UQCC1: variants seen among roughly 807,000 people sequenced by gnomAD.
UQCC1 encodes bFGF-repressed Zic-binding protein.
In UQCC1, 38 loss-of-function variants were observed where a neutral mutation model predicts 48.0. The observed-to-expected ratio is 0.79, with a 90% CI of 0.61 to 1.04. The LOEUF (loss-of-function observed/expected upper bound fraction) is 1.04, where lower values mean the gene tolerates loss of function less well. UQCC1 is among the 50% of genes least tolerant of loss of function. The pLI, the probability that UQCC1 is intolerant of heterozygous loss-of-function variation, is 0.00. For missense variants in UQCC1, 368 were observed against 381.8 expected (o/e 0.96, Z 0.30); for synonymous variants, 111 against 129.2 (o/e 0.86, Z 0.95).
intron 7 of UQCC1, chr20:35,346,648 TTCTC>T (rs2061434998): frequency 5.4e-6 from 1 of 184,104 alleles, no homozygotes; most frequent in Non-Finnish European, 1.2e-5. Context: ...ATATTCCCCT[TTCTC>T]AGGTTAATTA....
chr20:35,376,968 C>CA (rs11330133), intron 4 of UQCC1, among the ~76,000 whole-genome samples: 102 of 142,656 alleles, frequency 7.2e-4, no homozygotes, highest in Non-Finnish European at 8.4e-4. Flanking sequence ...CAAAACAAAA[C>CA]AAAAAAAAAA....
chr20:35,389,807 T>A (rs1464133298), intron 2 of UQCC1, among the ~76,000 whole-genome samples: 1 of 152,154 alleles, frequency 6.6e-6, no homozygotes, highest in Non-Finnish European at 1.5e-5. Context: ...TATCATATAA[T>A]CCATCAATCC....
intron 7 of UQCC1, among the ~76,000 whole-genome samples, chr20:35,329,987 G>A (rs1043247931): frequency 6.6e-6 from 1 of 152,226 alleles, no homozygotes; most frequent in Admixed American, 6.5e-5. Context: ...AAACTGCAGT[G>A]TAAGTATAGA....
rs780877093 is a variant in UQCC1 at position 35,411,925 on chromosome 20, T to C, written c.24+15A>G. 10 of 1,614,166 alleles carry C rather than the reference T, an allele frequency of 6.2e-6. No homozygotes were observed. The South Asian group carries it at 7.7e-5, about 12-fold the overall frequency. On this transcript the variant is annotated intron_variant, in intron 1 of 9. Coordinates refer to ENST00000374385, the MANE Select transcript of UQCC1 (RefSeq NM_018244.5). ...GACCCAGAGAGCTACCGTAGAAAAT[T>C]ACTCCTTCACTCACAAGGACTCGCA...
At position 35,314,740 on chromosome 20, in the gene UQCC1, T is replaced by C; in HGVS notation, c.599A>G (p.Asn200Ser). The change falls in exon 8 of 10, where the codon AAC becomes AGC. Residue 200 changes from asparagine (N) to serine (S), a missense_variant. Transcript: ENST00000374385. ...MGVNPYILKK[N>S]MILMTNHFYA... ...GAAATGATTTGTCATGAGGATCATG[T>C]TCTTCTTCAGGATATAGGGATTAAC... 1 of 1,608,514 alleles carries C rather than the reference T, an allele frequency of 6.2e-7. No individual in the cohort carries two copies. The highest frequency in any genetic ancestry group is 8.5e-7 in the Non-Finnish European group (1 of 1,175,682).
chr20:35,406,221 A>G (rs2062248216), intron 1 of UQCC1, among the ~76,000 whole-genome samples: 1 of 152,236 alleles, frequency 6.6e-6, no homozygotes, highest in South Asian at 2.1e-4. Context: ...GGCAGAAAAC[A>G]TCCCAAACAT....
At chr20:35,338,222 G>A (rs575277985) in intron 7 of UQCC1, among the ~76,000 whole-genome samples, 110 of 152,168 alleles carry the variant, frequency 7.2e-4, no homozygotes, top group African/African-American at 2.5e-3. Context: ...AGTCTCTGCC[G>A]TATTGGATTA....
intron 2 of UQCC1, among the ~76,000 whole-genome samples, chr20:35,387,140 G>A (rs567575011): frequency 8.1e-4 from 123 of 151,862 alleles, no homozygotes; most frequent in Non-Finnish European, 1.5e-3. Context: ...ACAAAAATTA[G>A]CCAGGCATGG....
At chr20:35,305,335 G>A (rs576140172) in intron 9 of UQCC1, among the ~76,000 whole-genome samples, 18 of 152,256 alleles carry the variant, frequency 1.2e-4, no homozygotes, top group Middle Eastern at 3.4e-3. Context: ...CTCTCACTGG[G>A]GCCACATGGG....
intron 9 of UQCC1, 59 bp downstream of exon 9, chr20:35,306,607 G>T: frequency 7.6e-7 from 1 of 1,324,482 alleles, no homozygotes; most frequent in Non-Finnish European, 1.1e-6. Flanking sequence ...TCCCCTGAAA[G>T]CCCAAGAGGA....
intron 1 of UQCC1, among the ~76,000 whole-genome samples, chr20:35,407,251 A>G (rs1422389551): frequency 6.6e-6 from 1 of 152,026 alleles, no homozygotes; most frequent in Non-Finnish European, 1.5e-5. Context: ...AACATGGGAA[A>G]ACCCCCTCTC....
chr20:35,366,718 T>C (rs1427784972), intron 5 of UQCC1, 104 bp from the exon 6 acceptor site: 4 of 980,188 alleles, frequency 4.1e-6, no homozygotes, highest in South Asian at 1.5e-5. Context: ...TCTCTGATTA[T>C]GCTATTGCAG....
At chr20:35,382,638 G>A (rs564414053) in intron 3 of UQCC1, among the ~76,000 whole-genome samples, 14 of 148,178 alleles carry the variant, frequency 9.4e-5, no homozygotes, top group African/African-American at 2.7e-4. Context: ...TCAGCCTCCC[G>A]AGTAGCTGGG....
At chr20:35,398,565 A>G (rs1241468012) in intron 1 of UQCC1, among the ~76,000 whole-genome samples, 2 of 152,162 alleles carry the variant, frequency 1.3e-5, no homozygotes, top group Admixed American at 6.5e-5. Context: ...TGAAAAGTGG[A>G]GCTAAAAATA....
chr20:35,409,070 T>G (rs1052329597), intron 1 of UQCC1, among the ~76,000 whole-genome samples: 3 of 152,134 alleles, frequency 2.0e-5, no homozygotes, highest in African/African-American at 7.2e-5. Flanking sequence ...ATTAATAGGT[T>G]CAGAGTTTCA....
intron 6 of UQCC1, among the ~76,000 whole-genome samples, chr20:35,352,637 T>G (rs2061501858): frequency 6.6e-6 from 1 of 152,220 alleles, no homozygotes; most frequent in Non-Finnish European, 1.5e-5. Flanking sequence ...TAGATGATCC[T>G]GACCTGGTAG....
At chr20:35,404,095 G>C (rs1247388455) in intron 1 of UQCC1, among the ~76,000 whole-genome samples, 1 of 151,832 alleles carries the variant, frequency 6.6e-6, no homozygotes, top group Admixed American at 6.6e-5. Context: ...AAATTAGCCA[G>C]GCGTGGCCGG....
At chr20:35,360,840 T>C (rs1016779098) in intron 6 of UQCC1, among the ~76,000 whole-genome samples, 4 of 152,146 alleles carry the variant, frequency 2.6e-5, no homozygotes, top group African/African-American at 7.2e-5. Context: ...GCTGTGCTCA[T>C]ATGACATGTT....
intron 5 of UQCC1, among the ~76,000 whole-genome samples, chr20:35,373,572 G>A (rs920251116): frequency 6.6e-6 from 1 of 151,884 alleles, no homozygotes; most frequent in Non-Finnish European, 1.5e-5. Context: ...CCAGCTATTC[G>A]GGAGGCCGAG....
Sources: allele counts gnomAD v4.1 joint callset (sites outside exome capture counted in the v4.1 genomes callset), GRCh38; gene constraint gnomAD v4.1.1; transcripts MANE v1.5; gene names NCBI Gene and HGNC (gene_info 2026-07-23, HGNC 2026-07-21).